Variants in LIN52 observed in about 807,000 individuals in gnomAD.
LIN52 encodes lin-52 DREAM MuvB core complex component.
LIN52 carries 4 observed loss-of-function variants against 18.5 expected under a neutral mutation model. The ratio of observed to expected loss-of-function variants is 0.22; its 90% CI spans 0.11 to 0.49. LIN52 has a LOEUF of 0.49. Among genes scored for constraint, LIN52 ranks in the 20% least tolerant of loss-of-function variants. LIN52 has a pLI of 0.97. For synonymous variants in LIN52, 34 were observed against 45.5 expected (o/e 0.75, Z 1.02); for missense variants, 102 against 139.5 (o/e 0.73, Z 1.35).
At chr14:74,144,523 G>A (rs1236152939) in intron 5 of LIN52, among the ~76,000 whole-genome samples, 1 of 152,168 alleles carries the variant, frequency 6.6e-6, no homozygotes, top group African/African-American at 2.4e-5. Context: ...CTGAGAGATT[G>A]TCTTCCCTTA....
intron 5 of LIN52, among the ~76,000 whole-genome samples, chr14:74,157,915 G>C (rs919053365): frequency 6.6e-6 from 1 of 152,076 alleles, no homozygotes; most frequent in South Asian, 2.1e-4. Context: ...TAAGGGCTTT[G>C]TGCATCATTT....
intron 5 of LIN52, among the ~76,000 whole-genome samples, chr14:74,196,670 G>T (rs2078913947): frequency 6.6e-6 from 1 of 151,878 alleles, no homozygotes; most frequent in African/African-American, 2.4e-5. Flanking sequence ...AGTTTTGTTT[G>T]CTAGCCTCCC....
intron 5 of LIN52, among the ~76,000 whole-genome samples, chr14:74,182,576 G>T (rs902308925): frequency 3.3e-5 from 5 of 152,076 alleles, no homozygotes; most frequent in African/African-American, 4.8e-5. Flanking sequence ...AATTGGATTA[G>T]CGAGGTCATC....
At chr14:74,162,768 C>G (rs537239932) in intron 5 of LIN52, among the ~76,000 whole-genome samples, 1 of 152,160 alleles carries the variant, frequency 6.6e-6, no homozygotes, top group African/African-American at 2.4e-5. Context: ...TATATTCTCT[C>G]CCAACTTTTC....
At chr14:74,105,577 GA>G (rs1183639312) in intron 5 of LIN52, among the ~76,000 whole-genome samples, 6 of 111,268 alleles carry the variant, frequency 5.4e-5, no homozygotes, top group Non-Finnish European at 1.1e-4. Context: ...TTAAAAACAA[GA>G]TTTTTTTTTT....
chr14:74,197,437 CT>C (rs2078920917), intron 5 of LIN52, among the ~76,000 whole-genome samples: 1 of 152,218 alleles, frequency 6.6e-6, no homozygotes, highest in African/African-American at 2.4e-5. Context: ...GATTGTGGAT[CT>C]TTTGCCAAGG....
At chr14:74,128,574 A>T (rs1290522062) in intron 5 of LIN52, among the ~76,000 whole-genome samples, 1 of 152,236 alleles carries the variant, frequency 6.6e-6, no homozygotes, top group Non-Finnish European at 1.5e-5. Context: ...TACATCTGTC[A>T]AAACATACCA....
Position 74,199,562 on chromosome 14 carries a change from A to T in LIN52, c.*585A>T, listed in dbSNP as rs1264599457. The T allele has an allele frequency of 6.6e-6, 1 of 152,196 alleles. No individual in the cohort carries two copies. The highest frequency in any genetic ancestry group is 1.5e-5 in the Non-Finnish European group (1 of 68,066). 9.4% of individuals were successfully genotyped at this position (152,196 alleles called of 1,614,324 possible). A position where few individuals can be genotyped will look rare whatever the true frequency, so the allele number is the denominator to read the frequency against. On this transcript the variant is annotated 3_prime_UTR_variant, in exon 6 of 6. Coordinates refer to ENST00000555028, the MANE Select transcript of LIN52 (RefSeq NM_001024674.3). ...GTTTTTTAAAACTTCTATACCTCTT[A>T]TGATAGTCCCATTTGCTTTTCATTC...
At chr14:74,112,896 A>G (rs569674766) in intron 5 of LIN52, among the ~76,000 whole-genome samples, 5 of 152,350 alleles carry the variant, frequency 3.3e-5, no homozygotes, top group African/African-American at 1.2e-4. Flanking sequence ...ACAAAGAACT[A>G]TATGGATGGG....
intron 5 of LIN52, among the ~76,000 whole-genome samples, chr14:74,119,160 CTTTTTTTTTTT>C (rs543503099): frequency 8.7e-6 from 1 of 115,424 alleles, no homozygotes; most frequent in South Asian, 3.1e-4. Context: ...GATTTTCTTT[CTTTTTTTTTTT>C]TTTTTTTTGA....
chr14:74,113,710 T>C (rs967597644), intron 5 of LIN52, among the ~76,000 whole-genome samples: 1 of 152,190 alleles, frequency 6.6e-6, no homozygotes, highest in Non-Finnish European at 1.5e-5. Context: ...TAACTGTGTG[T>C]GTTGTAGATG....
At chr14:74,171,046 G>A (rs536585271) in intron 5 of LIN52, among the ~76,000 whole-genome samples, 1 of 151,010 alleles carries the variant, frequency 6.6e-6, no homozygotes, top group African/African-American at 2.4e-5. Flanking sequence ...TTAGCTTGGT[G>A]TACTCTATAT....
intron 5 of LIN52, among the ~76,000 whole-genome samples, chr14:74,136,566 A>G (rs1351746974): frequency 6.6e-6 from 1 of 152,214 alleles, no homozygotes; most frequent in African/African-American, 2.4e-5. Context: ...TCAGCTGTTA[A>G]GTTCAGTAAA....
At chr14:74,143,304 C>T (rs2061139918) in intron 5 of LIN52, among the ~76,000 whole-genome samples, 1 of 152,150 alleles carries the variant, frequency 6.6e-6, no homozygotes, top group African/African-American at 2.4e-5. Flanking sequence ...AATCTCAGCA[C>T]TTTGAGAGGC....
At chr14:74,186,015 A>G (rs1274380070) in intron 5 of LIN52, among the ~76,000 whole-genome samples, 1 of 152,202 alleles carries the variant, frequency 6.6e-6, no homozygotes, top group Non-Finnish European at 1.5e-5. Flanking sequence ...GAGGCCGGGC[A>G]CAGTGGCTCA....
chr14:74,086,996 T>C (rs906556930), intron 1 of LIN52, among the ~76,000 whole-genome samples: 6 of 152,250 alleles, frequency 3.9e-5, no homozygotes, highest in African/African-American at 4.8e-5. Flanking sequence ...TATTAAACTT[T>C]TTAGTTTATT....
At chr14:74,154,337 A>G (rs2061189277) in intron 5 of LIN52, among the ~76,000 whole-genome samples, 1 of 152,222 alleles carries the variant, frequency 6.6e-6, no homozygotes, top group Non-Finnish European at 1.5e-5. Context: ...CTTTCACTAC[A>G]TAAACCAGGC....
At chr14:74,193,866 T>C (rs2078895369) in intron 5 of LIN52, among the ~76,000 whole-genome samples, 2 of 152,182 alleles carry the variant, frequency 1.3e-5, no homozygotes, top group South Asian at 4.1e-4. Context: ...CTGTTATTGC[T>C]CTTCTGAATA....
chr14:74,099,760 A>G (rs1312197400), intron 4 of LIN52, among the ~76,000 whole-genome samples: 2 of 152,046 alleles, frequency 1.3e-5, no homozygotes, highest in Non-Finnish European at 2.9e-5. Flanking sequence ...CAGGGAGTCA[A>G]AGCTGTCCTC....
Sources: allele counts gnomAD v4.1 joint callset (sites outside exome capture counted in the v4.1 genomes callset), GRCh38; gene constraint gnomAD v4.1.1; transcripts MANE v1.5; gene names NCBI Gene and HGNC (gene_info 2026-07-23, HGNC 2026-07-21).